The following POLR1E variants were observed in gnomAD, a reference collection of about 807,000 sequenced individuals.
POLR1E encodes the protein DNA-directed RNA polymerase I subunit RPA49.
In POLR1E, 37 loss-of-function variants were observed where a neutral mutation model predicts 50.9. The observed-to-expected ratio is 0.73, with a 90% CI of 0.56 to 0.96. The LOEUF (loss-of-function observed/expected upper bound fraction) is 0.96, where lower values mean the gene tolerates loss of function less well. POLR1E is among the 40% of genes least tolerant of loss of function. The pLI is 0.00. For missense variants in POLR1E, 426 were observed against 518.1 expected (o/e 0.82, Z 1.73); for synonymous variants, 166 against 191.6 (o/e 0.87, Z 1.10).
chr9:37,501,745 C>G lies in POLR1E; in HGVS notation c.1001C>G (p.Ala334Gly), dbSNP rs766052080. 7 of 1,613,494 alleles carry G rather than the reference C, an allele frequency of 4.3e-6. No individual in the cohort carries two copies. Among genetic ancestry groups the G allele is most frequent in the Non-Finnish European group, 5.9e-6 (7 of 1,179,842 alleles). Residue 334 changes from alanine to glycine, a missense_variant, in exon 11 of 12, where the codon GCG becomes GGG. Physicochemically the swap from Ala to Gly is moderately conservative, Grantham distance 60. Coordinates refer to ENST00000377798, the MANE Select transcript of POLR1E (RefSeq NM_022490.4). Reference protein sequence around the residue: ...LRNLISDSMKAKITAYVIILA... With the variant: ...LRNLISDSMKGKITAYVIILA... ...AACTTAATTTCGGATTCTATGAAGGCGAAGATTACTGCATATGTGATCATA... is the reference window on the plus strand; with the variant it reads ...AACTTAATTTCGGATTCTATGAAGGGGAAGATTACTGCATATGTGATCATA...
At chr9:37,498,373 T>G (rs1362067533) in intron 9 of POLR1E, 149 bp downstream of exon 9, 7 of 906,204 alleles carry the variant, frequency 7.7e-6, no homozygotes, top group Non-Finnish European at 1.1e-5. Flanking sequence ...ACTGCTGACA[T>G]GTCGAGGGGA....
At chr9:37,488,396 T>C (rs55637808) in intron 3 of POLR1E, among the ~76,000 whole-genome samples, 32,616 of 151,362 alleles carry the variant, frequency 0.22, 3,660 homozygotes, top group Admixed American at 0.26. Flanking sequence ...ACCCCCAGCC[T>C]CCCCCTCTGT....
rs1429769801 is a variant in POLR1E, at chr9:37,486,902, G to A, written c.180+96G>A. 2.1e-5 allele frequency: 30 copies of A among 1,432,762 alleles called. No homozygotes were observed. In the Admixed American group the frequency reaches 4.0e-4, roughly 19 times the overall value. The allele number at this position is 1,432,762 out of a possible 1,614,324, so 88.8% of individuals were successfully genotyped here. A position where few individuals can be genotyped will look rare whatever the true frequency, so the allele number is the denominator to read the frequency against. On this transcript the variant is annotated intron_variant, in intron 2 of 11. Transcript: ENST00000377798. Reference sequence around the variant, plus strand: ...GGAGGGAGTGAGGGGAGAAAAAGGGGAGTAGTAGCAAATGGAGCTTTGAAG... The same window carrying A: ...GGAGGGAGTGAGGGGAGAAAAAGGGAAGTAGTAGCAAATGGAGCTTTGAAG...
intron 1 of POLR1E, chr9:37,486,451 C>T: frequency 6.5e-7 from 1 of 1,549,522 alleles, no homozygotes; most frequent in Non-Finnish European, 8.7e-7. Flanking sequence ...ATGTACCAGG[C>T]CTCTGCTGTC....
At chr9:37,496,932 T>A (rs1820796352) in intron 8 of POLR1E, among the ~76,000 whole-genome samples, 1 of 152,184 alleles carries the variant, frequency 6.6e-6, no homozygotes, top group Non-Finnish European at 1.5e-5. Flanking sequence ...GCCTTAACAT[T>A]TTTGCCAAGC....
At chr9:37,493,793 T>C in intron 6 of POLR1E, 90 bp downstream of exon 6, 2 of 1,336,128 alleles carry the variant, frequency 1.5e-6, no homozygotes, top group Non-Finnish European at 2.0e-6. Flanking sequence ...CATGGAATGC[T>C]GGGAGCTAGG....
At chr9:37,501,380 T>C (rs907230763) in intron 10 of POLR1E, among the ~76,000 whole-genome samples, 1 of 152,188 alleles carries the variant, frequency 6.6e-6, no homozygotes, top group African/African-American at 2.4e-5. Context: ...ACAGCTGATT[T>C]CGGGATGATT....
chr9:37,503,343 C>T lies in POLR1E; in HGVS notation c.*141C>T, dbSNP rs562092976. 3.2e-5 allele frequency: 33 copies of T among 1,038,368 alleles called. No homozygotes were observed. The highest frequency in any genetic ancestry group is 1.9e-4 in the East Asian group (7 of 36,190). 64.3% of individuals were successfully genotyped at this position (1,038,368 alleles called of 1,614,324 possible). A position where few individuals can be genotyped will look rare whatever the true frequency, so the allele number is the denominator to read the frequency against. On this transcript the variant is annotated 3_prime_UTR_variant, in exon 12 of 12. Coordinates refer to ENST00000377798, the MANE Select transcript of POLR1E (RefSeq NM_022490.4). ...CTGAAATCCCAGCACTTTGGGAGGCCGAGGCAGGAAGATCATTGAGCTCAG... is the reference window on the plus strand; with the variant it reads ...CTGAAATCCCAGCACTTTGGGAGGCTGAGGCAGGAAGATCATTGAGCTCAG...
intron 11 of POLR1E, among the ~76,000 whole-genome samples, 157 bp downstream of exon 11, chr9:37,502,001 CTGAA>C (rs1820900374): frequency 6.6e-6 from 1 of 152,198 alleles, no homozygotes; most frequent in South Asian, 2.1e-4. Flanking sequence ...GAATCATTGA[CTGAA>C]TGAGCAACTA....
intron 3 of POLR1E, among the ~76,000 whole-genome samples, chr9:37,488,689 T>C (rs1224499074): frequency 3.3e-5 from 5 of 152,164 alleles, no homozygotes; most frequent in Non-Finnish European, 7.3e-5. Flanking sequence ...AGTGTAATTC[T>C]AGGTTCGTAC....
chr9:37,503,348 C>A lies in POLR1E; in HGVS notation c.*146C>A. The A allele has an allele frequency of 1.0e-6, 1 of 973,054 alleles. No homozygotes were observed. Among genetic ancestry groups the A allele is most frequent in the Non-Finnish European group, 1.4e-6 (1 of 696,298 alleles). 60.3% of individuals were successfully genotyped at this position (973,054 alleles called of 1,614,324 possible). A position where few individuals can be genotyped will look rare whatever the true frequency, so the allele number is the denominator to read the frequency against. On this transcript the variant is annotated 3_prime_UTR_variant, in exon 12 of 12. Coordinates refer to ENST00000377798, the MANE Select transcript of POLR1E (RefSeq NM_022490.4). ...ATCCCAGCACTTTGGGAGGCCGAGG[C>A]AGGAAGATCATTGAGCTCAGGAGTT...
chr9:37,497,340 G>A (rs1315188642), intron 8 of POLR1E, among the ~76,000 whole-genome samples: 1 of 152,202 alleles, frequency 6.6e-6, no homozygotes, highest in Non-Finnish European at 1.5e-5. Flanking sequence ...GGGCCACAGA[G>A]TGAGACTCAG....
intron 5 of POLR1E, 93 bp downstream of exon 5, chr9:37,492,808 G>A: frequency 9.0e-7 from 1 of 1,109,548 alleles, no homozygotes; most frequent in Non-Finnish European, 1.3e-6. Context: ...TTGAACTCAA[G>A]GGTCTCCCTG....
At chr9:37,500,815 G>T in intron 9 of POLR1E, 25 bp from the exon 10 acceptor site, 1 of 1,584,348 alleles carries the variant, frequency 6.3e-7, no homozygotes, top group South Asian at 1.1e-5. Context: ...GAGAGAAAAT[G>T]ATCAAACTCA....
chr9:37,495,369 T>C, intron 7 of POLR1E, 93 bp downstream of exon 7: 2 of 1,050,724 alleles, frequency 1.9e-6, no homozygotes, highest in Non-Finnish European at 2.9e-6. Context: ...GTCTGTGTTC[T>C]GTGACATTCA....
chr9:37,496,106 A>T, intron 8 of POLR1E, 120 bp downstream of exon 8: 1 of 690,864 alleles, frequency 1.4e-6, no homozygotes, highest in South Asian at 1.8e-5. Flanking sequence ...AGCATTGGAC[A>T]TGAATGAGCC....
chr9:37,503,364 C>T lies in POLR1E; in HGVS notation c.*162C>T. The stretch of plus-strand genomic sequence containing the variant: ...AGGCCGAGGCAGGAAGATCATTGAG[C>T]TCAGGAGTTTGAAACCAGTCTGGAC... On this transcript the variant is annotated 3_prime_UTR_variant, in exon 12 of 12. Coordinates refer to ENST00000377798, the MANE Select transcript of POLR1E (RefSeq NM_022490.4). 1 of 806,176 alleles carries T rather than the reference C, an allele frequency of 1.2e-6. No individual in the cohort carries two copies. The highest frequency in any genetic ancestry group is 1.7e-6 in the Non-Finnish European group (1 of 572,912). 49.9% of individuals were successfully genotyped at this position (806,176 alleles called of 1,614,324 possible).
chr9:37,493,203 A>G (rs1366228270), intron 5 of POLR1E, among the ~76,000 whole-genome samples: 2 of 152,214 alleles, frequency 1.3e-5, no homozygotes, highest in Non-Finnish European at 2.9e-5. Flanking sequence ...GGAAGGAGTC[A>G]GTGATCTATT....
At position 37,492,486 on chromosome 9, in the gene POLR1E, A is replaced by G. The variant is rs1319554198; in HGVS notation, c.344-171A>G. 34 of 828,080 alleles carry G rather than the reference A, an allele frequency of 4.1e-5. No homozygotes were observed. In the South Asian group the frequency reaches 4.7e-4, roughly 11 times the overall value. The allele number at this position is 828,080 out of a possible 1,614,324, so 51.3% of individuals were successfully genotyped here. On this transcript the variant is annotated intron_variant, in intron 4 of 11. Coordinates refer to ENST00000377798, the MANE Select transcript of POLR1E (RefSeq NM_022490.4). ...TATTTTCCAAGTTCTTTAACTGTAT[A>G]CTAAAGCTGCATATTAAATATTCAC...
Sources: allele counts gnomAD v4.1 joint callset (sites outside exome capture counted in the v4.1 genomes callset), GRCh38; gene constraint gnomAD v4.1.1; transcripts MANE v1.5; gene names NCBI Gene and HGNC (gene_info 2026-07-23, HGNC 2026-07-21).